The following NFIA variants were observed in gnomAD, a reference collection of about 807,000 sequenced individuals.
The protein encoded by NFIA is nuclear factor 1 A-type.
In NFIA, 8 loss-of-function variants were observed where a neutral mutation model predicts 62.8. That is an observed-to-expected ratio of 0.13 (90% CI 0.07 to 0.23). The LOEUF is 0.23. Among genes scored for constraint, NFIA ranks in the 10% least tolerant of loss-of-function variants. The probability of loss-of-function intolerance (pLI) is 1.00; values close to 1 mark genes in which losing one functional copy is unlikely to be tolerated. For synonymous variants in NFIA, 235 were observed against 238.1 expected (o/e 0.99, Z 0.12); for missense variants, 410 against 642.1 (o/e 0.64, Z 3.91).
intron 2 of NFIA, among the ~76,000 whole-genome samples, chr1:61,131,677 G>T (rs1647082403): frequency 6.6e-6 from 1 of 151,908 alleles, no homozygotes; most frequent in African/African-American, 2.4e-5. Context: ...ATTCCCACTT[G>T]GACTCTCAAA....
chr1:61,139,428 C>T (rs936694571), intron 2 of NFIA, among the ~76,000 whole-genome samples: 2 of 152,064 alleles, frequency 1.3e-5, no homozygotes, highest in Non-Finnish European at 1.5e-5. Flanking sequence ...GGCCTGTAGC[C>T]GACTCTTAAT....
At chr1:61,189,855 A>G (rs1651493989) in intron 2 of NFIA, among the ~76,000 whole-genome samples, 2 of 151,942 alleles carry the variant, frequency 1.3e-5, no homozygotes, top group Admixed American at 1.3e-4. Context: ...AATCCTAGAA[A>G]CTCACTGAAT....
chr1:61,273,925 T>C (rs1657660165), intron 2 of NFIA, among the ~76,000 whole-genome samples: 1 of 152,180 alleles, frequency 6.6e-6, no homozygotes, highest in Non-Finnish European at 1.5e-5. Flanking sequence ...CATACTAACA[T>C]GTTTTTGTCA....
intron 9 of NFIA, among the ~76,000 whole-genome samples, chr1:61,422,193 G>T (rs1666651389): frequency 6.6e-6 from 1 of 152,152 alleles, no homozygotes; most frequent in Non-Finnish European, 1.5e-5. Context: ...AGCTCAAGAG[G>T]TCAAGGCTTC....
chr1:61,397,654 G>A (rs1392110386), intron 7 of NFIA, among the ~76,000 whole-genome samples: 1 of 152,184 alleles, frequency 6.6e-6, no homozygotes, highest in African/African-American at 2.4e-5. Flanking sequence ...ACAGCGCTAT[G>A]AGGTATTATT....
chr1:61,229,583 C>T lies in NFIA; in HGVS notation c.560-47937C>T, dbSNP rs184082858. Among the ~76,000 whole-genome samples, 101 of 152,180 alleles carry T rather than the reference C, an allele frequency of 6.6e-4. 1 individual carries two copies. The highest frequency in any genetic ancestry group is 1.0e-3 in the Non-Finnish European group (71 of 67,992). On this transcript the variant is annotated intron_variant, in intron 2 of 10. Coordinates refer to ENST00000403491, the MANE Select transcript of NFIA (RefSeq NM_001134673.4). Reference sequence around the variant, plus strand: ...TCAATATTGGTTCATTTATTGAATGCCTACTATGCTAGGTGCTATAAGAAT... The same window carrying T: ...TCAATATTGGTTCATTTATTGAATGTCTACTATGCTAGGTGCTATAAGAAT...
intron 3 of NFIA, among the ~76,000 whole-genome samples, chr1:61,312,025 G>A: frequency 6.6e-6 from 1 of 152,196 alleles, no homozygotes; most frequent in East Asian, 1.9e-4. Flanking sequence ...GCCTTTACTG[G>A]GAACTGTGCT....
At chr1:61,319,435 C>A (rs72911971) in intron 3 of NFIA, among the ~76,000 whole-genome samples, 3,124 of 152,170 alleles carry the variant, frequency 0.021, 143 homozygotes, top group African/African-American at 0.072. Flanking sequence ...TGAGTACCCA[C>A]CATATGTCAT....
intron 2 of NFIA, among the ~76,000 whole-genome samples, chr1:61,204,668 C>T (rs1029030158): frequency 6.6e-6 from 1 of 152,026 alleles, no homozygotes; most frequent in Non-Finnish European, 1.5e-5. Flanking sequence ...CCTTCTGCCC[C>T]CCCCACCCTT....
intron 3 of NFIA, among the ~76,000 whole-genome samples, chr1:61,326,696 C>T (rs1660957597): frequency 6.6e-6 from 1 of 152,094 alleles, no homozygotes; most frequent in African/African-American, 2.4e-5. Context: ...GGTCAGTATT[C>T]AGAAGGGAGA....
chr1:61,378,950 T>C (rs2100477654), intron 6 of NFIA, among the ~76,000 whole-genome samples: 1 of 152,312 alleles, frequency 6.6e-6, no homozygotes, highest in South Asian at 2.1e-4. Flanking sequence ...GACTTCTAAT[T>C]CCTTTTATAC....
chr1:61,307,229 C>G (rs997110314), intron 3 of NFIA, among the ~76,000 whole-genome samples: 1 of 152,096 alleles, frequency 6.6e-6, no homozygotes, highest in African/African-American at 2.4e-5. Flanking sequence ...GAAGTGGGGC[C>G]TTTTGGGAGA....
intron 9 of NFIA, among the ~76,000 whole-genome samples, chr1:61,418,071 A>T (rs577153409): frequency 1.3e-5 from 2 of 152,340 alleles, no homozygotes; most frequent in African/African-American, 4.8e-5. Context: ...TTTTCTATTT[A>T]CTATGTTGCA....
chr1:61,180,570 T>A (rs1368347510), intron 2 of NFIA, among the ~76,000 whole-genome samples: 1 of 152,208 alleles, frequency 6.6e-6, no homozygotes, highest in Non-Finnish European at 1.5e-5. Flanking sequence ...TTAGCTGGAA[T>A]ATATTGATGA....
intron 7 of NFIA, among the ~76,000 whole-genome samples, chr1:61,392,250 C>G (rs1296481631): frequency 6.6e-6 from 1 of 151,704 alleles, no homozygotes; most frequent in African/African-American, 2.4e-5. Context: ...CTTTAAGTCC[C>G]AGTTCAGGAA....
Position 61,359,065 on chromosome 1 carries a change from G to T in NFIA, c.819-82G>T, listed in dbSNP as rs925292042. The stretch of plus-strand genomic sequence containing the variant: ...AGTTGCCCAATTGCTTCCTCCCTTG[G>T]CTTTCTTTCAACCAGAGGTGCAGTG... On this transcript the variant is annotated intron_variant, in intron 5 of 10. Coordinates refer to ENST00000403491, the MANE Select transcript of NFIA (RefSeq NM_001134673.4). The T allele has an allele frequency of 2.2e-5, 34 of 1,556,980 alleles. 1 individual carries two copies. The Middle Eastern group carries it at 8.7e-4, about 40-fold the overall frequency.
intron 3 of NFIA, among the ~76,000 whole-genome samples, chr1:61,327,239 A>T (rs1660995221): frequency 6.6e-6 from 1 of 151,326 alleles, no homozygotes; most frequent in Non-Finnish European, 1.5e-5. Flanking sequence ...TATATATAAA[A>T]ATATATATTT....
intron 9 of NFIA, among the ~76,000 whole-genome samples, chr1:61,414,289 A>G (rs1569816611): frequency 6.6e-6 from 1 of 152,316 alleles, no homozygotes; most frequent in East Asian, 1.9e-4. Flanking sequence ...AGCCCACTTC[A>G]CAAAATGTTT....
intron 2 of NFIA, chr1:61,251,314 A>G (rs1656024683): frequency 6.6e-6 from 1 of 152,132 alleles, no homozygotes. Context: ...TTAAGTTTGG[A>G]GTTAATTTGG....
Sources: gnomAD v4.1 joint callset for allele counts (sites outside exome capture counted in the v4.1 genomes callset) on GRCh38, gnomAD v4.1.1 for gene constraint, MANE v1.5 for transcripts, NCBI Gene and HGNC (gene_info 2026-07-23, HGNC 2026-07-21) for gene names.